Variants in ANO5 observed in about 807,000 individuals in gnomAD.
ANO5 encodes anoctamin 5, also known as anoctamin-5.
In ANO5, 109 loss-of-function variants were observed where a neutral mutation model predicts 121.0. The observed-to-expected ratio is 0.90, with a 90% CI of 0.77 to 1.06. ANO5 has a LOEUF of 1.06. Ranked by LOEUF, ANO5 falls within the 50% of genes least tolerant of loss-of-function variation. ANO5 has a pLI of 0.00. For missense variants in ANO5, 1,064 were observed against 1,078.5 expected (o/e 0.99, Z 0.19); for synonymous variants, 406 against 359.9 (o/e 1.13, Z -1.45).
upstream of ANO5, chr11:22,193,024 A>G (rs1460889502): frequency 4.1e-6 from 4 of 984,500 alleles, no homozygotes; most frequent in African/African-American, 7.0e-5. Flanking sequence ...GGAGGCGGGG[A>G]AAGAGGCGTG....
At position 22,282,280 on chromosome 11, in the gene ANO5, G is replaced by C. The variant is rs1343984667; in HGVS notation, c.*2515G>C. ...AAAAAATACTTAACTCTTTTCAAAG[G>C]CCCTCTTTCATCCTTGCCTTCGTCA... is the stretch of plus-strand genomic sequence containing the variant. On this transcript the variant is annotated 3_prime_UTR_variant, in exon 22 of 22. Coordinates refer to ENST00000324559, the MANE Select transcript of ANO5 (RefSeq NM_213599.3). 1 of 152,108 alleles carries C rather than the reference G, an allele frequency of 6.6e-6. No homozygotes were observed. The highest frequency in any genetic ancestry group is 2.4e-5 in the African/African-American group (1 of 41,444). The allele number at this position is 152,108 out of a possible 1,614,324, so 9.4% of individuals were successfully genotyped here. A position where few individuals can be genotyped will look rare whatever the true frequency, so the allele number is the denominator to read the frequency against.
At chr11:22,222,852 T>C (rs1852699449) in intron 5 of ANO5, among the ~76,000 whole-genome samples, 1 of 151,950 alleles carries the variant, frequency 6.6e-6, no homozygotes, top group South Asian at 2.1e-4. Flanking sequence ...ATACTTTCCT[T>C]CCATATTCTG....
intron 6 of ANO5, 93 bp from the exon 7 acceptor site, chr11:22,227,209 G>T (rs1345943523): frequency 6.6e-7 from 1 of 1,518,002 alleles, no homozygotes; most frequent in Non-Finnish European, 9.0e-7. Context: ...TGATGTGTTT[G>T]AGATTTTATA....
upstream of ANO5, chr11:22,192,977 G>T: frequency 1.0e-6 from 1 of 985,244 alleles, no homozygotes; most frequent in Non-Finnish European, 1.2e-6. Flanking sequence ...GGAGATGGCG[G>T]TCTCCGAGGG....
At chr11:22,245,123 G>C (rs1853575516) in intron 9 of ANO5, among the ~76,000 whole-genome samples, 1 of 152,122 alleles carries the variant, frequency 6.6e-6, no homozygotes, top group Admixed American at 6.6e-5. Context: ...TCACAGTTTT[G>C]TATATTGGCA....
chr11:22,259,863 C>G lies in ANO5; in HGVS notation c.1630+122C>G, dbSNP rs550119865. 1.8e-5 allele frequency: 17 copies of G among 966,198 alleles called. 1 individual carries two copies. The African/African-American group carries it at 2.8e-4, about 16-fold the overall frequency. The allele number at this position is 966,198 out of a possible 1,614,324, so 59.9% of individuals were successfully genotyped here. On this transcript the variant is annotated intron_variant, in intron 15 of 21. Coordinates refer to ENST00000324559, the MANE Select transcript of ANO5 (RefSeq NM_213599.3). ...GGACACATTTTAAGGCAGTTTTTCTCTATAAATAGACCCATATCTGCTATT... is the reference window on the plus strand; with the variant it reads ...GGACACATTTTAAGGCAGTTTTTCTGTATAAATAGACCCATATCTGCTATT...
At chr11:22,252,252 T>C (rs1008571575) in intron 12 of ANO5, among the ~76,000 whole-genome samples, 14 of 152,110 alleles carry the variant, frequency 9.2e-5, no homozygotes, top group African/African-American at 3.1e-4. Flanking sequence ...TTTTTGTAAG[T>C]TGTTGTATAT....
intron 9 of ANO5, among the ~76,000 whole-genome samples, chr11:22,247,796 G>T (rs897105997): frequency 1.4e-4 from 21 of 152,056 alleles, no homozygotes; most frequent in Non-Finnish European, 2.5e-4. Context: ...TGAGAAAAAT[G>T]GGCTGATGGA....
At chr11:22,262,541 A>T (rs951148630) in intron 16 of ANO5, among the ~76,000 whole-genome samples, 1 of 152,240 alleles carries the variant, frequency 6.6e-6, no homozygotes, top group Admixed American at 6.5e-5. Flanking sequence ...ATAAAATGAC[A>T]TAAGTTCTTT....
intron 1 of ANO5, among the ~76,000 whole-genome samples, chr11:22,201,742 A>C (rs552081279): frequency 1.3e-5 from 2 of 152,144 alleles, no homozygotes; most frequent in East Asian, 3.9e-4. Context: ...TTCATAACAA[A>C]TCCATTCTTG....
intron 17 of ANO5, among the ~76,000 whole-genome samples, chr11:22,267,379 A>G (rs994283738): frequency 2.6e-5 from 4 of 151,600 alleles, no homozygotes; most frequent in Non-Finnish European, 5.9e-5. Flanking sequence ...TCCTTATATT[A>G]CCATTTATTG....
chr11:22,256,077 T>C (rs943516146), intron 13 of ANO5, among the ~76,000 whole-genome samples: 1 of 152,144 alleles, frequency 6.6e-6, no homozygotes, highest in African/African-American at 2.4e-5. Flanking sequence ...TGTATTTGTG[T>C]ATGGGGGAAG....
chr11:22,238,130 AT>A (rs1004971381), intron 8 of ANO5, among the ~76,000 whole-genome samples: 23 of 151,344 alleles, frequency 1.5e-4, no homozygotes, highest in Non-Finnish European at 2.7e-4. Context: ...CACTGTCACA[AT>A]TTTTTTTTCC....
Position 22,193,596 on chromosome 11 carries a change from G to T in ANO5, c.40+64G>T, listed in dbSNP as rs112145196. 0.011 allele frequency: 17,667 copies of T among 1,570,066 alleles called. 1,686 individuals carry two copies. In the African/African-American group the frequency reaches 0.21, roughly 19 times the overall value. ...TGGCTGCCTGCACCCCTCCACCCGCGGCGCAGAGGCCCCGGGGGACGTTGG... is the reference window on the plus strand; with the variant it reads ...TGGCTGCCTGCACCCCTCCACCCGCTGCGCAGAGGCCCCGGGGGACGTTGG... On this transcript the variant is annotated intron_variant, in intron 1 of 21. Transcript: ENST00000324559.
At position 22,211,483 on chromosome 11, in the gene ANO5, G is replaced by A. The variant is rs4922980; in HGVS notation, c.138+169G>A. 0.68 allele frequency among the ~76,000 whole-genome samples: 102,538 copies of A among 151,770 alleles called. 36,672 individuals carry two copies. The highest frequency in any genetic ancestry group is 0.81 in the Non-Finnish European group (54,825 of 67,844). ...AAAAAATCAGTTTCTTTAGGTGGGG[G>A]GAAAACACATCAGACATATCAGTGA... is the stretch of plus-strand genomic sequence containing the variant. On this transcript the variant is annotated intron_variant, in intron 3 of 21. Coordinates refer to ENST00000324559, the MANE Select transcript of ANO5 (RefSeq NM_213599.3).
chr11:22,274,817 C>G (rs1554934811), intron 20 of ANO5, 70 bp downstream of exon 20: 1 of 1,537,568 alleles, frequency 6.5e-7, no homozygotes. Flanking sequence ...TTATCTATTA[C>G]CTTTCTGTCT....
chr11:22,277,788 TCCAA>T (rs934387037), intron 21 of ANO5: 2 of 151,432 alleles, frequency 1.3e-5, no homozygotes, highest in Admixed American at 6.6e-5. Flanking sequence ...CATTGCAGGC[TCCAA>T]CCAAGCATCA....
chr11:22,193,490 A>T lies in ANO5; in HGVS notation c.-3A>T. 1 of 1,612,668 alleles carries T rather than the reference A, an allele frequency of 6.2e-7. No individual in the cohort carries two copies. The highest frequency in any genetic ancestry group is 8.5e-7 in the Non-Finnish European group (1 of 1,179,634). On this transcript the variant is annotated 5_prime_UTR_variant, in exon 1 of 22. Transcript: ENST00000324559. ...CACCAGTGCCATTAACGAGCTGGCG[A>T]AGATGGGCGACCCGGATCTCCTGGA... is the stretch of plus-strand genomic sequence containing the variant.
At chr11:22,196,501 GT>G (rs34588581) in intron 1 of ANO5, among the ~76,000 whole-genome samples, 179 of 145,578 alleles carry the variant, frequency 1.2e-3, no homozygotes, top group African/African-American at 3.1e-3. Flanking sequence ...TGTTATGAGA[GT>G]TTTTTTTTTT....
Sources: allele counts gnomAD v4.1 joint callset (sites outside exome capture counted in the v4.1 genomes callset), GRCh38; gene constraint gnomAD v4.1.1; transcripts MANE v1.5; gene names NCBI Gene and HGNC (gene_info 2026-07-23, HGNC 2026-07-21).